The following ABCA13 variants were observed in gnomAD, a reference collection of about 807,000 sequenced individuals.
ABCA13 encodes ATP-binding cassette sub-family A member 13.
In ABCA13, 476 loss-of-function variants were observed where a neutral mutation model predicts 478.7. The observed-to-expected ratio is 0.99, with a 90% CI of 0.92 to 1.07. ABCA13 has a LOEUF of 1.07. Among genes scored for constraint, ABCA13 ranks in the 50% least tolerant of loss-of-function variants. The pLI, the probability that ABCA13 is intolerant of heterozygous loss-of-function variation, is 0.00. For missense variants in ABCA13, 6,060 were observed against 5,910.6 expected, an observed-to-expected ratio of 1.03 and a Z score of -0.83; for synonymous variants, 2,252 against 2,158.9, an observed-to-expected ratio of 1.04 and a Z score of -1.20.
At chr7:48,569,518 G>T (rs1299056564) in intron 55 of ABCA13, among the ~76,000 whole-genome samples, 1 of 151,878 alleles carries the variant, frequency 6.6e-6, no homozygotes, top group Non-Finnish European at 1.5e-5. Flanking sequence ...GAGTTTTTTT[G>T]TTTGCTTGTT....
chr7:48,562,113 AG>A (rs1408944692), intron 55 of ABCA13, among the ~76,000 whole-genome samples: 2 of 99,922 alleles, frequency 2.0e-5, no homozygotes, highest in Non-Finnish European at 3.9e-5. Flanking sequence ...ATGGGGGGGG[AG>A]GTGGATACAA....
intron 38 of ABCA13, among the ~76,000 whole-genome samples, chr7:48,392,951 A>G (rs773782011): frequency 2.0e-5 from 3 of 152,212 alleles, no homozygotes; most frequent in Admixed American, 2.0e-4. Flanking sequence ...TGAACCCTAT[A>G]TGAAAGTGGA....
chr7:48,600,325 A>G (rs759482599), intron 58 of ABCA13, among the ~76,000 whole-genome samples: 37 of 150,410 alleles, frequency 2.5e-4, no homozygotes, highest in African/African-American at 8.5e-4. Flanking sequence ...AGTGTTTCCT[A>G]TAGATTGTGT....
At chr7:48,234,372 A>G (rs1298431034) in intron 8 of ABCA13, 3 of 597,930 alleles carry the variant, frequency 5.0e-6, no homozygotes, top group Non-Finnish European at 3.0e-6. Context: ...CAGAATGGAA[A>G]GGCAGCTTAG....
At chr7:48,479,683 C>A (rs1218615938) in intron 45 of ABCA13, among the ~76,000 whole-genome samples, 1 of 152,202 alleles carries the variant, frequency 6.6e-6, no homozygotes, top group East Asian at 1.9e-4. Flanking sequence ...ATTTTACTCT[C>A]TGTTCCTATG....
chr7:48,633,923 GATAGATAC>G lies in ABCA13; in HGVS notation c.14838-9357_14838-9350del, dbSNP rs1261964206. On this transcript the variant is annotated intron_variant, in intron 59 of 61. Transcript: ENST00000435803. ...AGATAGGTAGATAGATACATAGATA[GATAGATAC>G]ATAGATAGATAGATAGATAGATAGA... 2.5e-5 allele frequency among the ~76,000 whole-genome samples: 3 copies of G among 118,310 alleles called. No homozygotes were observed. The East Asian group carries it at 7.2e-4, about 29-fold the overall frequency. 77.6% of individuals were successfully genotyped at this position (118,310 alleles called of 152,430 possible). A position where few individuals can be genotyped will look rare whatever the true frequency, so the allele number is the denominator to read the frequency against.
intron 42 of ABCA13, among the ~76,000 whole-genome samples, chr7:48,448,344 A>G (rs1292118838): frequency 1.3e-5 from 2 of 152,206 alleles, no homozygotes; most frequent in African/African-American, 2.4e-5. Flanking sequence ...CAGGTAGTAT[A>G]AGCCCTTTAG....
intron 19 of ABCA13, among the ~76,000 whole-genome samples, chr7:48,286,085 G>A (rs1440321137): frequency 6.6e-6 from 1 of 152,122 alleles, no homozygotes; most frequent in Non-Finnish European, 1.5e-5. Flanking sequence ...TGAATGGAAG[G>A]TGCAGGGATT....
At chr7:48,456,071 C>T (rs1022494740) in intron 43 of ABCA13, among the ~76,000 whole-genome samples, 1 of 152,210 alleles carries the variant, frequency 6.6e-6, no homozygotes, top group African/African-American at 2.4e-5. Context: ...GCAAAATCGT[C>T]TTCAAGGTGG....
intron 20 of ABCA13, among the ~76,000 whole-genome samples, chr7:48,288,571 G>A (rs1798082048): frequency 6.6e-6 from 1 of 152,084 alleles, no homozygotes; most frequent in Non-Finnish European, 1.5e-5. Flanking sequence ...ATGACGTTAT[G>A]GTGGCAGCAT....
chr7:48,254,339 C>CT (rs1793057473), intron 15 of ABCA13, among the ~76,000 whole-genome samples: 1 of 152,146 alleles, frequency 6.6e-6, no homozygotes, highest in African/African-American at 2.4e-5. Flanking sequence ...CCATAGCTCA[C>CT]TGTAGCCTCG....
At chr7:48,497,295 T>C (rs1473293101) in intron 48 of ABCA13, among the ~76,000 whole-genome samples, 4 of 152,214 alleles carry the variant, frequency 2.6e-5, no homozygotes, top group Non-Finnish European at 5.9e-5. Flanking sequence ...TTTTTAATCA[T>C]TTATATTTTC....
At chr7:48,381,787 C>A (rs569486731) in intron 35 of ABCA13, among the ~76,000 whole-genome samples, 2 of 152,320 alleles carry the variant, frequency 1.3e-5, no homozygotes, top group East Asian at 3.9e-4. Context: ...AGGAGAAAAG[C>A]TCTGTGTAAA....
intron 55 of ABCA13, among the ~76,000 whole-genome samples, chr7:48,538,734 C>T (rs1324424242): frequency 6.6e-6 from 1 of 150,388 alleles, no homozygotes; most frequent in Non-Finnish European, 1.5e-5. Context: ...CAAATACAAC[C>T]TCTTCCATTT....
intron 3 of ABCA13, among the ~76,000 whole-genome samples, chr7:48,215,334 T>A (rs540942905): frequency 6.6e-6 from 1 of 152,240 alleles, no homozygotes; most frequent in African/African-American, 2.4e-5. Flanking sequence ...ACAATATTTA[T>A]TGATTGAGTT....
chr7:48,456,214 T>C (rs78897088), intron 43 of ABCA13, among the ~76,000 whole-genome samples: 2,636 of 152,372 alleles, frequency 0.017, 78 homozygotes, highest in African/African-American at 0.06. Context: ...GTTCTGCTTT[T>C]GTCAAATATA....
chr7:48,552,749 T>C (rs75383235), intron 55 of ABCA13, among the ~76,000 whole-genome samples: 3,078 of 151,756 alleles, frequency 0.02, 88 homozygotes, highest in Non-Finnish European at 0.032. Flanking sequence ...TACTTTGATA[T>C]AGGCGTACAG....
intron 28 of ABCA13, among the ~76,000 whole-genome samples, chr7:48,337,481 A>G (rs1025509485): frequency 2.6e-5 from 4 of 152,254 alleles, no homozygotes; most frequent in African/African-American, 4.8e-5. Flanking sequence ...ATCACATGTA[A>G]TAAGGTGAAT....
chr7:48,335,313 CA>C, intron 27 of ABCA13, 108 bp from the exon 28 acceptor site: 1 of 671,478 alleles, frequency 1.5e-6, no homozygotes, highest in Non-Finnish European at 2.4e-6. Context: ...AGCTGGCCTG[CA>C]GGCAGATCTT....
Sources: gnomAD v4.1 joint callset for allele counts (sites outside exome capture counted in the v4.1 genomes callset) on GRCh38, gnomAD v4.1.1 for gene constraint, MANE v1.5 for transcripts, NCBI Gene and HGNC (gene_info 2026-07-23, HGNC 2026-07-21) for gene names.